Variants in CTXND1 observed in about 807,000 individuals in gnomAD.
The protein encoded by CTXND1 is cortexin domain-containing 1 protein.
chr15:80,249,060 C>T (rs978990316), intron 1 of CTXND1, among the ~76,000 whole-genome samples: 2 of 152,032 alleles, frequency 1.3e-5, no homozygotes, highest in African/African-American at 4.8e-5. Flanking sequence ...TCAAGTCATC[C>T]TCCTGCCTCA....
At chr15:80,208,409 G>C (rs1458405470) in intron 1 of CTXND1, among the ~76,000 whole-genome samples, 1 of 152,176 alleles carries the variant, frequency 6.6e-6, no homozygotes, top group Non-Finnish European at 1.5e-5. Flanking sequence ...CATGCTGGGG[G>C]TGGAAGGTCA....
rs2041431215 is a variant in CTXND1 at position 80,198,412 on chromosome 15, T to C, written c.*3358A>G. The C allele has an allele frequency of 6.6e-6, 1 of 152,258 alleles. No homozygotes were observed. Among genetic ancestry groups the C allele is most frequent in the African/African-American group, 2.4e-5 (1 of 41,456 alleles). 9.4% of individuals were successfully genotyped at this position (152,258 alleles called of 1,614,324 possible). A position where few individuals can be genotyped will look rare whatever the true frequency, so the allele number is the denominator to read the frequency against. On this transcript the variant is annotated 3_prime_UTR_variant, in exon 3 of 3. Coordinates refer to ENST00000560778, the MANE Select transcript of CTXND1 (RefSeq NM_001352888.2). Reference sequence around the variant, plus strand: ...CACAGGCCTCCCATTCTCTAAATGCTTTTCATTTCTTGTCTGCCAACTTCT... The same window carrying C: ...CACAGGCCTCCCATTCTCTAAATGCCTTTCATTTCTTGTCTGCCAACTTCT...
chr15:80,239,878 T>G (rs1567135015), intron 1 of CTXND1, among the ~76,000 whole-genome samples: 1 of 152,220 alleles, frequency 6.6e-6, no homozygotes, highest in Non-Finnish European at 1.5e-5. Flanking sequence ...AAAAATTAAG[T>G]CTTTTTTATT....
intron 1 of CTXND1, among the ~76,000 whole-genome samples, chr15:80,244,389 G>A (rs1893605883): frequency 6.6e-6 from 1 of 152,182 alleles, no homozygotes; most frequent in African/African-American, 2.4e-5. Flanking sequence ...ATTGAACCAC[G>A]AGGAGGCACA....
At chr15:80,227,793 A>G (rs1173543996) in intron 1 of CTXND1, among the ~76,000 whole-genome samples, 1 of 152,216 alleles carries the variant, frequency 6.6e-6, no homozygotes, top group Non-Finnish European at 1.5e-5. Context: ...GTTGAAGGCT[A>G]CTAACTAATC....
In CTXND1 at chr15:80,197,995, AG is replaced by A. The variant is rs1202696580; in HGVS notation, c.*3774del. ...AATGATATGCCAGGATGGTAAAGCTAGGGTCCTACTATACATATCCACCTGT... is the reference window on the plus strand; with the variant it reads ...AATGATATGCCAGGATGGTAAAGCTAGGTCCTACTATACATATCCACCTGT... On this transcript the variant is annotated 3_prime_UTR_variant, in exon 3 of 3. Coordinates refer to ENST00000560778, the MANE Select transcript of CTXND1 (RefSeq NM_001352888.2). 6.6e-6 allele frequency: 1 copy of A among 152,238 alleles called. No homozygotes were observed. Among genetic ancestry groups the A allele is most frequent in the Non-Finnish European group, 1.5e-5 (1 of 68,046 alleles). 9.4% of individuals were successfully genotyped at this position (152,238 alleles called of 1,614,324 possible).
intron 1 of CTXND1, among the ~76,000 whole-genome samples, chr15:80,233,577 A>G (rs12439411): frequency 0.38 from 58,271 of 151,752 alleles, 12,197 homozygotes; most frequent in East Asian, 0.7. Flanking sequence ...CAGAATGACC[A>G]AGTCTCCCAA....
At chr15:80,204,540 G>A (rs927184817) in intron 1 of CTXND1, among the ~76,000 whole-genome samples, 1 of 151,296 alleles carries the variant, frequency 6.6e-6, no homozygotes, top group Non-Finnish European at 1.5e-5. Flanking sequence ...TACAGTATTT[G>A]TCTTTTTGTG....
chr15:80,208,252 C>T (rs538917769), intron 1 of CTXND1, among the ~76,000 whole-genome samples: 7 of 152,292 alleles, frequency 4.6e-5, no homozygotes, highest in African/African-American at 1.4e-4. Flanking sequence ...TGGAAACACA[C>T]GTGTGCACAC....
chr15:80,220,896 T>A (rs965524288), intron 1 of CTXND1, among the ~76,000 whole-genome samples: 7 of 143,128 alleles, frequency 4.9e-5, no homozygotes, highest in South Asian at 2.3e-4. Flanking sequence ...TTAATTAATT[T>A]ATTATTATTA....
intron 1 of CTXND1, among the ~76,000 whole-genome samples, chr15:80,250,548 T>A (rs985967): frequency 0.086 from 13,020 of 152,254 alleles, 621 homozygotes; most frequent in African/African-American, 0.13. Flanking sequence ...GAAAACTGAT[T>A]GGGAAATTAA....
Position 80,198,876 on chromosome 15 carries a change from A to G in CTXND1, c.*2894T>C, listed in dbSNP as rs2041434274. On this transcript the variant is annotated 3_prime_UTR_variant, in exon 3 of 3. Transcript: ENST00000560778. ...AGATGTCATGTTTTATGGCCATTAA[A>G]ATGACAAGTGTGAAGAATGTAGCAG... The G allele has an allele frequency of 6.6e-6, 1 of 152,262 alleles. No individual in the cohort carries two copies. The allele number at this position is 152,262 out of a possible 1,614,324, so 9.4% of individuals were successfully genotyped here.
Position 80,196,704 on chromosome 15 carries a change from G to A in CTXND1, c.*5066C>T, listed in dbSNP as rs1413044227. On this transcript the variant is annotated 3_prime_UTR_variant, in exon 3 of 3. Coordinates refer to ENST00000560778, the MANE Select transcript of CTXND1 (RefSeq NM_001352888.2). The stretch of plus-strand genomic sequence containing the variant: ...AAAGTTTGTGAATGGCTGCTAAGTG[G>A]TAATAAGATGAATTGTGCTGGTTTT... 6.6e-6 allele frequency: 1 copy of A among 152,242 alleles called. No individual in the cohort carries two copies. Among genetic ancestry groups the A allele is most frequent in the African/African-American group, 2.4e-5 (1 of 41,456 alleles). The allele number at this position is 152,242 out of a possible 1,614,324, so 9.4% of individuals were successfully genotyped here.
intron 1 of CTXND1, among the ~76,000 whole-genome samples, chr15:80,232,331 T>C (rs560879887): frequency 1.3e-5 from 2 of 152,304 alleles, no homozygotes; most frequent in African/African-American, 4.8e-5. Flanking sequence ...TATCCAATTA[T>C]CTTAGATCAG....
intron 1 of CTXND1, among the ~76,000 whole-genome samples, chr15:80,204,647 GTATATATATA>G (rs35359063): frequency 0.017 from 2,188 of 131,378 alleles, 71 homozygotes; most frequent in African/African-American, 0.043. Flanking sequence ...ATATTCCATT[GTATATATATA>G]TATATATATA....
chr15:80,222,054 C>T (rs556080557), intron 1 of CTXND1, among the ~76,000 whole-genome samples: 119 of 152,180 alleles, frequency 7.8e-4, no homozygotes, highest in African/African-American at 2.4e-3. Flanking sequence ...TTTATAAAAA[C>T]GTAATATTCT....
chr15:80,203,810 C>T (rs905705484), intron 1 of CTXND1, 70 bp from the exon 2 acceptor site: 1 of 152,034 alleles, frequency 6.6e-6, no homozygotes, highest in Non-Finnish European at 1.5e-5. Flanking sequence ...GATGTGGACT[C>T]GCCTGGGTAG....
intron 1 of CTXND1, among the ~76,000 whole-genome samples, chr15:80,223,573 T>G (rs1156900459): frequency 6.6e-6 from 1 of 152,154 alleles, no homozygotes; most frequent in Non-Finnish European, 1.5e-5. Flanking sequence ...TTCTATTAGT[T>G]GTATATCTAG....
At position 80,201,966 on chromosome 15, in the gene CTXND1, C is replaced by A. The variant is rs1399553902; in HGVS notation, c.-17G>T. 5.0e-6 allele frequency: 2 copies of A among 398,974 alleles called. No homozygotes were observed. The highest frequency in any genetic ancestry group is 8.8e-6 in the Non-Finnish European group (2 of 226,326). 24.7% of individuals were successfully genotyped at this position (398,974 alleles called of 1,614,324 possible). ...CTCCTCCATCTCGCGGCAGCGACTGCGGGCTGCTCCTCCTCCGCCTCGGGT... is the reference window on the plus strand; with the variant it reads ...CTCCTCCATCTCGCGGCAGCGACTGAGGGCTGCTCCTCCTCCGCCTCGGGT... On this transcript the variant is annotated 5_prime_UTR_variant, in exon 3 of 3. Coordinates refer to ENST00000560778, the MANE Select transcript of CTXND1 (RefSeq NM_001352888.2).
Sources: allele counts gnomAD v4.1 joint callset (sites outside exome capture counted in the v4.1 genomes callset), GRCh38; gene constraint gnomAD v4.1.1; transcripts MANE v1.5; gene names NCBI Gene and HGNC (gene_info 2026-07-23, HGNC 2026-07-21).